MCC: variants seen among roughly 807,000 people sequenced by gnomAD.
MCC encodes the protein colorectal mutant cancer protein.
In MCC, 90 loss-of-function variants were observed where a neutral mutation model predicts 116.2. The ratio of observed to expected loss-of-function variants is 0.77; its 90% CI spans 0.65 to 0.92. MCC has a LOEUF of 0.92. Among genes scored for constraint, MCC ranks in the 40% least tolerant of loss-of-function variants. MCC has a pLI of 0.00. For synonymous variants in MCC, 578 were observed against 510.5 expected, an observed-to-expected ratio of 1.13 and a Z score of -1.78; for missense variants, 1,516 against 1,312.2, an observed-to-expected ratio of 1.16 and a Z score of -2.40.
At chr5:113,401,680 C>A (rs940025226) in intron 1 of MCC, among the ~76,000 whole-genome samples, 1 of 152,018 alleles carries the variant, frequency 6.6e-6, no homozygotes, top group Non-Finnish European at 1.5e-5. Flanking sequence ...ATTTTGGCTC[C>A]TTGGGTCTTA....
intron 2 of MCC, among the ~76,000 whole-genome samples, chr5:113,374,743 C>A (rs970007666): frequency 6.6e-6 from 1 of 152,062 alleles, no homozygotes; most frequent in African/African-American, 2.4e-5. Context: ...TAAATCCCAG[C>A]ACTTTGGGAG....
intron 1 of MCC, among the ~76,000 whole-genome samples, chr5:113,487,897 TG>T (rs376594973): frequency 2.6e-5 from 4 of 152,166 alleles, no homozygotes; most frequent in African/African-American, 9.6e-5. Context: ...CCCGAGGCTG[TG>T]GGGCAGCCCC....
intron 2 of MCC, among the ~76,000 whole-genome samples, chr5:113,354,916 T>C (rs949031614): frequency 8.6e-5 from 13 of 151,796 alleles, no homozygotes; most frequent in Non-Finnish European, 5.9e-5. Flanking sequence ...GAAAAAAAGA[T>C]AGTCTTTTTT....
chr5:113,126,568 G>A (rs1181805859), intron 5 of MCC, among the ~76,000 whole-genome samples: 1 of 151,884 alleles, frequency 6.6e-6, no homozygotes, highest in Non-Finnish European at 1.5e-5. Flanking sequence ...CAGATGAATC[G>A]TATAGCCTAG....
intron 3 of MCC, among the ~76,000 whole-genome samples, chr5:113,289,229 G>A (rs1210967110): frequency 2.0e-5 from 3 of 151,440 alleles, no homozygotes; most frequent in African/African-American, 7.3e-5. Flanking sequence ...TACTCAGGAG[G>A]CTGAGGCAGG....
intron 3 of MCC, among the ~76,000 whole-genome samples, chr5:113,312,713 C>T (rs1443546007): frequency 1.3e-5 from 2 of 152,168 alleles, no homozygotes; most frequent in Non-Finnish European, 2.9e-5. Flanking sequence ...ACAAGTTATT[C>T]TTCTCACATG....
chr5:113,318,695 G>C (rs1340593670), intron 3 of MCC, among the ~76,000 whole-genome samples: 2 of 152,048 alleles, frequency 1.3e-5, no homozygotes, highest in African/African-American at 2.4e-5. Context: ...TGGAGGGTGG[G>C]AGGAGGGAGA....
At chr5:113,402,165 G>A (rs1769707205) in intron 1 of MCC, among the ~76,000 whole-genome samples, 1 of 152,004 alleles carries the variant, frequency 6.6e-6, no homozygotes, top group Non-Finnish European at 1.5e-5. Context: ...GTAGTGGCAG[G>A]CGCCTGTAGT....
chr5:113,139,753 G>A (rs1759068477), intron 5 of MCC, among the ~76,000 whole-genome samples: 1 of 152,002 alleles, frequency 6.6e-6, no homozygotes, highest in African/African-American at 2.4e-5. Flanking sequence ...CCCATTACTG[G>A]GTATATACCC....
At chr5:113,045,848 G>C (rs1752036165) in intron 16 of MCC, among the ~76,000 whole-genome samples, 1 of 151,772 alleles carries the variant, frequency 6.6e-6, no homozygotes, top group African/African-American at 2.4e-5. Flanking sequence ...CACAGCCATG[G>C]CCACTGGTCT....
intron 3 of MCC, among the ~76,000 whole-genome samples, chr5:113,298,065 G>A (rs1404315973): frequency 6.6e-6 from 1 of 152,160 alleles, no homozygotes; most frequent in Non-Finnish European, 1.5e-5. Context: ...ATGGAGGTTC[G>A]AGGTTATCTC....
chr5:113,380,884 A>T (rs1045382616), intron 2 of MCC, among the ~76,000 whole-genome samples: 1 of 152,228 alleles, frequency 6.6e-6, no homozygotes, highest in African/African-American at 2.4e-5. Flanking sequence ...CAAACATGGT[A>T]AGTCAGGGGA....
chr5:113,094,684 T>A (rs761936316), intron 8 of MCC, among the ~76,000 whole-genome samples: 7 of 152,152 alleles, frequency 4.6e-5, no homozygotes, highest in Non-Finnish European at 8.8e-5. Context: ...CCTCCCAAAG[T>A]GCTGGGATTA....
intron 3 of MCC, among the ~76,000 whole-genome samples, chr5:113,221,837 G>A (rs1483022145): frequency 2.7e-5 from 4 of 147,608 alleles, no homozygotes; most frequent in Admixed American, 6.9e-5. Context: ...TGTGATCCTC[G>A]AACATTTGGG....
chr5:113,354,179 A>C (rs1049558129), intron 2 of MCC, among the ~76,000 whole-genome samples: 2 of 152,178 alleles, frequency 1.3e-5, no homozygotes, highest in African/African-American at 4.8e-5. Flanking sequence ...TCTAGCAGAC[A>C]GAGAGTATTC....
At chr5:113,114,938 T>C (rs114730035) in intron 6 of MCC, among the ~76,000 whole-genome samples, 22 of 149,990 alleles carry the variant, frequency 1.5e-4, no homozygotes, top group African/African-American at 5.6e-4. Context: ...TGCTAAAGGG[T>C]GCCACACTGA....
At chr5:113,394,054 C>T (rs572579983) in intron 1 of MCC, among the ~76,000 whole-genome samples, 1 of 152,164 alleles carries the variant, frequency 6.6e-6, no homozygotes, top group Non-Finnish European at 1.5e-5. Flanking sequence ...TGGGTAGATA[C>T]AATTGACTGT....
rs80334193 is a variant in MCC at position 113,152,092 on chromosome 5, G to A, written c.628-670C>T. 8.5e-3 allele frequency among the ~76,000 whole-genome samples: 1,293 copies of A among 152,240 alleles called. 21 individuals are homozygous for A. Among genetic ancestry groups the A allele is most frequent in the East Asian group, 0.034 (174 of 5,186 alleles). The stretch of plus-strand genomic sequence containing the variant: ...CAGCACCAGAACTCTGACAAATGAC[G>A]CTGTGAAAAGACAAACCAAGGATCA... On this transcript the variant is annotated intron_variant, in intron 3 of 18. Coordinates refer to ENST00000408903, the MANE Select transcript of MCC (RefSeq NM_001085377.2).
chr5:113,143,678 G>A (rs1026193377), intron 4 of MCC, among the ~76,000 whole-genome samples: 9 of 152,146 alleles, frequency 5.9e-5, no homozygotes, highest in African/African-American at 2.2e-4. Flanking sequence ...CAGGCAAGTG[G>A]TCCAAGCTAG....
Sources: allele counts gnomAD v4.1 joint callset (sites outside exome capture counted in the v4.1 genomes callset), GRCh38; gene constraint gnomAD v4.1.1; transcripts MANE v1.5; gene names NCBI Gene and HGNC (gene_info 2026-07-23, HGNC 2026-07-21).